GAPVD1: variants seen among roughly 807,000 people sequenced by gnomAD.
GAPVD1 encodes GTPase activating protein and VPS9 domains 1.
Under a neutral mutation model 155.5 loss-of-function variants are expected in GAPVD1, and 35 were observed. That is an observed-to-expected ratio of 0.23 (90% confidence interval 0.17 to 0.30). The LOEUF (loss-of-function observed/expected upper bound fraction) is 0.30. Among genes scored for constraint, GAPVD1 ranks in the 10% least tolerant of loss-of-function variants. The pLI is 1.00. For missense variants in GAPVD1, 1,429 were observed against 1,775.7 expected, an observed-to-expected ratio of 0.80 and a Z score of 3.51; for synonymous variants, 636 against 619.7, an observed-to-expected ratio of 1.03 and a Z score of -0.39.
At chr9:125,359,872 A>G (rs890616471) in intron 26 of GAPVD1, 1 of 176,000 alleles carries the variant, frequency 5.7e-6, no homozygotes, top group Non-Finnish European at 1.2e-5. Context: ...TTGAGTCTGC[A>G]TGTGATCTCA....
intron 13 of GAPVD1, among the ~76,000 whole-genome samples, chr9:125,331,510 A>G (rs1250146121): frequency 6.6e-6 from 1 of 152,124 alleles, no homozygotes; most frequent in Non-Finnish European, 1.5e-5. Flanking sequence ...CTGTTTTATA[A>G]TGTTAAAGCA....
intron 21 of GAPVD1, 133 bp from the exon 22 acceptor site, chr9:125,350,162 A>G: frequency 3.3e-6 from 2 of 606,300 alleles, no homozygotes; most frequent in Non-Finnish European, 5.6e-6. Context: ...GTGGAGTGTC[A>G]GTTAAGAATC....
intron 9 of GAPVD1, among the ~76,000 whole-genome samples, chr9:125,314,599 A>G (rs1843119355): frequency 6.6e-6 from 1 of 151,944 alleles, no homozygotes; most frequent in Admixed American, 6.6e-5. Context: ...GGTTGCAGTG[A>G]GCTGAGATCG....
At chr9:125,324,011 G>C in intron 11 of GAPVD1, 88 bp downstream of exon 11, 1 of 1,147,254 alleles carries the variant, frequency 8.7e-7, no homozygotes, top group Admixed American at 2.1e-5. Context: ...AGTTGGCTTG[G>C]TTCAGTAAGA....
chr9:125,279,992 C>A (rs906080576), intron 2 of GAPVD1, among the ~76,000 whole-genome samples: 1 of 151,506 alleles, frequency 6.6e-6, no homozygotes, highest in Non-Finnish European at 1.5e-5. Context: ...GAACTCCCGA[C>A]GTCAGGTGAT....
chr9:125,311,560 G>A (rs930702698), intron 8 of GAPVD1, among the ~76,000 whole-genome samples: 8 of 152,104 alleles, frequency 5.3e-5, no homozygotes, highest in African/African-American at 1.7e-4. Flanking sequence ...GGCGGTGATC[G>A]CAATGAGCCG....
intron 2 of GAPVD1, among the ~76,000 whole-genome samples, chr9:125,274,901 G>A (rs1315529215): frequency 6.6e-6 from 1 of 152,154 alleles, no homozygotes; most frequent in Admixed American, 6.6e-5. Context: ...CACAGCTAGG[G>A]AGTGGCAAAC....
At chr9:125,266,294 TTTTTATTTTATTTTA>T (rs1356905067) in intron 1 of GAPVD1, among the ~76,000 whole-genome samples, 2 of 149,450 alleles carry the variant, frequency 1.3e-5, no homozygotes, top group Non-Finnish European at 3.0e-5. Flanking sequence ...GCCCGGCTAA[TTTTTATTTTATTTTA>T]TTTTATTTTA....
chr9:125,338,123 C>G (rs1847300276), intron 17 of GAPVD1, among the ~76,000 whole-genome samples: 2 of 152,230 alleles, frequency 1.3e-5, no homozygotes, highest in African/African-American at 4.8e-5. Context: ...ATCCGCCTGC[C>G]TTGGCCTCCC....
At chr9:125,295,377 A>C (rs1377104117) in intron 2 of GAPVD1, 81 bp from the exon 3 acceptor site, 1 of 151,936 alleles carries the variant, frequency 6.6e-6, no homozygotes, top group Non-Finnish European at 1.5e-5. Context: ...GTGTCTTAGA[A>C]AAGCAGAACA....
chr9:125,336,297 A>C (rs1463749868), intron 15 of GAPVD1, among the ~76,000 whole-genome samples: 1 of 151,126 alleles, frequency 6.6e-6, no homozygotes, highest in African/African-American at 2.4e-5. Flanking sequence ...GACCAAAAAA[A>C]AAAAAAAACA....
chr9:125,354,536 C>CTGCTTTG, intron 23 of GAPVD1, 118 bp from the exon 24 acceptor site: 1 of 648,296 alleles, frequency 1.5e-6, no homozygotes, highest in South Asian at 2.0e-5. Context: ...CACAGACATG[C>CTGCTTTG]TACTTTGTAA....
intron 17 of GAPVD1, among the ~76,000 whole-genome samples, chr9:125,338,292 A>G (rs1200718846): frequency 6.6e-6 from 1 of 152,198 alleles, no homozygotes; most frequent in Non-Finnish European, 1.5e-5. Context: ...CAGTACCCCT[A>G]AACACTTCAG....
Position 125,283,989 on chromosome 9 carries a change from C to T in GAPVD1, c.-149-11469C>T, listed in dbSNP as rs114688377. Reference sequence around the variant, plus strand: ...CCGGGTTCAAGTGATTCTCCTGCGTCAGGCTTCCCAAGTAGCCAGGACTAC... The same window carrying T: ...CCGGGTTCAAGTGATTCTCCTGCGTTAGGCTTCCCAAGTAGCCAGGACTAC... On this transcript the variant is annotated intron_variant, in intron 2 of 27. Coordinates refer to ENST00000297933, the MANE Select transcript of GAPVD1 (RefSeq NM_001282680.3). 9.5e-3 allele frequency among the ~76,000 whole-genome samples: 1,435 copies of T among 151,622 alleles called. 24 individuals carry two copies. Among genetic ancestry groups the T allele is most frequent in the African/African-American group, 0.033 (1,360 of 41,318 alleles).
chr9:125,330,271 A>T, intron 13 of GAPVD1, 53 bp downstream of exon 13: 1 of 1,251,478 alleles, frequency 8.0e-7, no homozygotes, highest in Admixed American at 2.3e-5. Flanking sequence ...TTTTAATTAA[A>T]TGCAAGGTAT....
chr9:125,307,839 C>T lies in GAPVD1; in HGVS notation c.1400C>T (p.Pro467Leu), dbSNP rs1385367913. Reference protein sequence around the residue: ...MTPYNTPQLSPATTPANKKNR... With the variant: ...MTPYNTPQLSLATTPANKKNR... Reference sequence around the variant, plus strand: ...CCCTACAATACACCTCAGCTATCTCCAGCAACCACTCCAGCAAATAAAAAG... The same window carrying T: ...CCCTACAATACACCTCAGCTATCTCTAGCAACCACTCCAGCAAATAAAAAG... Residue 467 changes from proline (P) to leucine (L), a missense_variant, in exon 8 of 28, where the codon CCA (proline) becomes CTA (leucine). This residue lies in a region of GAPVD1 where 628 missense variants were observed against 733.4 expected (regional missense o/e 0.86). Coordinates refer to ENST00000297933, the MANE Select transcript of GAPVD1 (RefSeq NM_001282680.3). 1.9e-6 allele frequency: 3 copies of T among 1,613,086 alleles called. No homozygotes were observed. The highest frequency in any genetic ancestry group is 2.2e-5 in the South Asian group (2 of 91,066).
chr9:125,358,706 T>C (rs1198217051), intron 25 of GAPVD1, among the ~76,000 whole-genome samples: 1 of 152,252 alleles, frequency 6.6e-6, no homozygotes, highest in South Asian at 2.1e-4. Context: ...ACTTCTGTGC[T>C]TAATATGCCA....
chr9:125,285,176 C>T (rs1379561459), intron 2 of GAPVD1, among the ~76,000 whole-genome samples: 1 of 152,164 alleles, frequency 6.6e-6, no homozygotes, highest in East Asian at 1.9e-4. Context: ...ATGAAACCAG[C>T]CATAGATAAT....
intron 2 of GAPVD1, among the ~76,000 whole-genome samples, chr9:125,270,394 A>G (rs1834701323): frequency 6.6e-6 from 1 of 151,910 alleles, no homozygotes; most frequent in Non-Finnish European, 1.5e-5. Context: ...GTGCCCCTGC[A>G]CTCCAGCCTG....
Sources: gnomAD v4.1 joint callset for allele counts (sites outside exome capture counted in the v4.1 genomes callset) on GRCh38, gnomAD v4.1.1 for gene constraint, gnomAD v4.1.1 regional missense constraint, MANE v1.5 for transcripts, NCBI Gene and HGNC (gene_info 2026-07-23, HGNC 2026-07-21) for gene names.